The following CNNM2 variants were observed in gnomAD, a reference collection of about 807,000 sequenced individuals.
CNNM2 encodes the protein cyclin and CBS domain divalent metal cation transport mediator 2, also known as metal transporter CNNM2.
Under a neutral mutation model 66.9 loss-of-function variants are expected in CNNM2, and 12 were observed. The observed-to-expected ratio is 0.18, with a 90% CI of 0.11 to 0.29. CNNM2 has a LOEUF of 0.29. CNNM2 is among the 10% of genes least tolerant of loss of function. CNNM2 has a pLI of 1.00. For synonymous variants in CNNM2, 557 were observed against 501.8 expected, an observed-to-expected ratio of 1.11 and a Z score of -1.47; for missense variants, 705 against 1,167.7, an observed-to-expected ratio of 0.60 and a Z score of 5.77.
intron 1 of CNNM2, among the ~76,000 whole-genome samples, chr10:102,924,646 T>C (rs1359704044): frequency 1.3e-5 from 2 of 152,024 alleles, no homozygotes; most frequent in African/African-American, 4.8e-5. Context: ...AATTATTTTA[T>C]ACGTATTTGT....
intron 1 of CNNM2, among the ~76,000 whole-genome samples, chr10:103,035,714 G>T (rs1426113713): frequency 1.3e-5 from 2 of 152,216 alleles, no homozygotes; most frequent in African/African-American, 2.4e-5. Flanking sequence ...GAGAAAAGGA[G>T]TGGGTGGTGG....
At position 103,081,817 on chromosome 10, in the gene CNNM2, G is replaced by A. The variant is rs919447185; in HGVS notation, c.*4637G>A. The A allele has an allele frequency of 2.6e-5, 4 of 152,202 alleles. No homozygotes were observed. Among genetic ancestry groups the A allele is most frequent in the African/African-American group, 9.6e-5 (4 of 41,456 alleles). The allele number at this position is 152,202 out of a possible 1,614,324, so 9.4% of individuals were successfully genotyped here. ...CCCTGGTCAACCCTACGGATGCGAA[G>A]AAGAGATGGCAGTTCACAGCAACTG... On this transcript the variant is annotated 3_prime_UTR_variant, in exon 8 of 8. Transcript: ENST00000369878.
chr10:103,033,549 T>A (rs188911539), intron 1 of CNNM2, among the ~76,000 whole-genome samples: 2 of 152,016 alleles, frequency 1.3e-5, no homozygotes, highest in African/African-American at 2.4e-5. Flanking sequence ...TACAAACAAT[T>A]GTGAAAATGT....
intron 1 of CNNM2, among the ~76,000 whole-genome samples, chr10:102,954,228 A>G (rs1735847270): frequency 6.6e-6 from 1 of 151,028 alleles, no homozygotes. Context: ...CCTGGGCTCA[A>G]GCAATCCTCC....
intron 1 of CNNM2, among the ~76,000 whole-genome samples, chr10:102,983,985 A>T (rs2063758051): frequency 6.7e-6 from 1 of 149,990 alleles, no homozygotes; most frequent in African/African-American, 2.5e-5. Flanking sequence ...CGAACTCCTG[A>T]CTTCAGGTGA....
chr10:102,986,794 A>AG (rs1246683313), intron 1 of CNNM2, among the ~76,000 whole-genome samples: 2 of 151,218 alleles, frequency 1.3e-5, no homozygotes, highest in Non-Finnish European at 3.0e-5. Flanking sequence ...AAAAAAAAAA[A>AG]AAGTTTTTAT....
At chr10:103,029,380 C>T (rs1474690678) in intron 1 of CNNM2, among the ~76,000 whole-genome samples, 1 of 151,434 alleles carries the variant, frequency 6.6e-6, no homozygotes, top group African/African-American at 2.4e-5. Context: ...AGGAGAATCA[C>T]TTGAACCCAG....
In CNNM2 at chr10:102,927,124, GTAGT is replaced by G. The variant is rs140831673; in HGVS notation, c.1621+7026_1621+7029del. Among the ~76,000 whole-genome samples, 25,616 of 151,968 alleles carry G rather than the reference GTAGT, an allele frequency of 0.17. 2,536 individuals carry two copies. The highest frequency in any genetic ancestry group is 0.23 in the Non-Finnish European group (15,307 of 67,904). On this transcript the variant is annotated intron_variant, in intron 1 of 7. Transcript: ENST00000369878. ...AAACCTGTAGAGTGTAATTAGATGC[GTAGT>G]TACTTATAAAGTGGTATATATTTTT...
chr10:103,014,085 C>T (rs2064395709), intron 1 of CNNM2, among the ~76,000 whole-genome samples: 1 of 152,170 alleles, frequency 6.6e-6, no homozygotes, highest in South Asian at 2.1e-4. Flanking sequence ...ATCTTTGCCC[C>T]TGCCATTTGT....
At chr10:103,006,863 C>T (rs1734724167) in intron 1 of CNNM2, among the ~76,000 whole-genome samples, 2 of 152,146 alleles carry the variant, frequency 1.3e-5, no homozygotes, top group South Asian at 2.1e-4. Flanking sequence ...AAATTCCTGG[C>T]CTCAAGCGAT....
rs78272139 is a variant in CNNM2 at position 103,077,333 on chromosome 10, G to A, written c.*153G>A. 4.1e-5 allele frequency: 27 copies of A among 654,970 alleles called. No individual in the cohort carries two copies. The highest frequency in any genetic ancestry group is 1.6e-4 in the East Asian group (6 of 36,390). 40.6% of individuals were successfully genotyped at this position (654,970 alleles called of 1,614,324 possible). A position where few individuals can be genotyped will look rare whatever the true frequency, so the allele number is the denominator to read the frequency against. On this transcript the variant is annotated 3_prime_UTR_variant, in exon 8 of 8. Coordinates refer to ENST00000369878, the MANE Select transcript of CNNM2 (RefSeq NM_017649.5). The stretch of plus-strand genomic sequence containing the variant: ...ACCTTGTGCCCTTCCCAGGAGCCGC[G>A]GAGGAGGACAGTGAGGGAGGAATGG...
At chr10:103,076,915 G>A (rs557709233) in intron 7 of CNNM2, 56 bp from the exon 8 acceptor site, 6 of 1,505,760 alleles carry the variant, frequency 4.0e-6, no homozygotes, top group Non-Finnish European at 5.5e-6. Flanking sequence ...GGAGATCAGA[G>A]AACCTAAAAA....
At position 102,918,582 on chromosome 10, in the gene CNNM2, C is replaced by G; in HGVS notation, c.102C>G (p.Ser34Arg). 1 of 1,572,552 alleles carries G rather than the reference C, an allele frequency of 6.4e-7. No homozygotes were observed. The highest frequency in any genetic ancestry group is 1.9e-5 in the Admixed American group (1 of 53,978). ...AGATGGCGGCGCGCCGCAGCCTCAG[C>G]GCTCGCGGCCGGGGGATCCTGCAGG... ...TWKMAARRSL[S>R]ARGRGILQAA... Residue 34 changes from serine (S) to arginine (R), a missense_variant, in exon 1 of 8, where the codon AGC (serine) becomes AGG (arginine). Transcript: ENST00000369878. This position sits in a 1 kb window ranked among gnomAD's most constrained non-coding sequence, Gnocchi z 4.1.
intron 5 of CNNM2, among the ~76,000 whole-genome samples, chr10:103,069,300 T>C (rs2065533688): frequency 6.6e-6 from 1 of 152,192 alleles, no homozygotes; most frequent in Non-Finnish European, 1.5e-5. Flanking sequence ...TGTCTTTGGG[T>C]GAACGTGTGT....
At chr10:102,950,636 C>T (rs1846790350) in intron 1 of CNNM2, among the ~76,000 whole-genome samples, 1 of 151,922 alleles carries the variant, frequency 6.6e-6, no homozygotes, top group South Asian at 2.1e-4. Context: ...CACCTGCACT[C>T]CCAGCTACTC....
intron 1 of CNNM2, among the ~76,000 whole-genome samples, chr10:103,033,516 G>T (rs1440959429): frequency 6.6e-6 from 1 of 151,824 alleles, no homozygotes; most frequent in African/African-American, 2.4e-5. Flanking sequence ...TTTTTAAAAA[G>T]CTTCTGGTGA....
intron 1 of CNNM2, among the ~76,000 whole-genome samples, chr10:103,004,403 G>A (rs1263191689): frequency 2.0e-5 from 3 of 152,094 alleles, no homozygotes; most frequent in Non-Finnish European, 2.9e-5. Context: ...GAATATTCTC[G>A]AACATGTCTT....
chr10:103,001,472 T>C (rs2064120783), intron 1 of CNNM2, among the ~76,000 whole-genome samples: 1 of 152,166 alleles, frequency 6.6e-6, no homozygotes, highest in Admixed American at 6.5e-5. Context: ...TAAACCCTAA[T>C]ATTTATGGTC....
chr10:103,047,193 A>C (rs538306607), intron 1 of CNNM2, among the ~76,000 whole-genome samples: 1 of 152,318 alleles, frequency 6.6e-6, no homozygotes, highest in South Asian at 2.1e-4. Flanking sequence ...GCCTTAACCA[A>C]GTGATGAAAA....
Sources: gnomAD v4.1 joint callset for allele counts (sites outside exome capture counted in the v4.1 genomes callset) on GRCh38, gnomAD v4.1.1 for gene constraint, Gnocchi (gnomAD v3.1) non-coding constraint, MANE v1.5 for transcripts, NCBI Gene and HGNC (gene_info 2026-07-23, HGNC 2026-07-21) for gene names.